The following CCDC7 variants were observed in gnomAD, a reference collection of about 807,000 sequenced individuals.
CCDC7 encodes the protein coiled-coil domain-containing protein 7.
In CCDC7, 183 loss-of-function variants were observed where a neutral mutation model predicts 196.9. That is an observed-to-expected ratio of 0.93 (90% CI 0.82 to 1.05). The LOEUF (loss-of-function observed/expected upper bound fraction) is 1.05. Ranked by LOEUF, CCDC7 falls within the 50% of genes least tolerant of loss-of-function variation. The probability of loss-of-function intolerance (pLI) is 0.00; values close to 1 mark genes in which losing one functional copy is unlikely to be tolerated. For missense variants in CCDC7, 1,540 were observed against 1,482.2 expected, an observed-to-expected ratio of 1.04 and a Z score of -0.64; for synonymous variants, 525 against 484.6, an observed-to-expected ratio of 1.08 and a Z score of -1.10.
chr10:32,667,132 A>G, intron 21 of CCDC7, among the ~76,000 whole-genome samples: 1 of 152,050 alleles, frequency 6.6e-6, no homozygotes, highest in African/African-American at 2.4e-5. Context: ...GCCAGTGATG[A>G]TGAGCATTTT....
At chr10:32,540,057 C>G (rs557330431) in intron 11 of CCDC7, among the ~76,000 whole-genome samples, 1 of 151,968 alleles carries the variant, frequency 6.6e-6, no homozygotes, top group South Asian at 2.1e-4. Flanking sequence ...TGCTGAATAT[C>G]TTTGTTTATT....
At chr10:32,469,535 G>T (rs2037514698) in intron 5 of CCDC7, among the ~76,000 whole-genome samples, 2 of 152,188 alleles carry the variant, frequency 1.3e-5, no homozygotes, top group Admixed American at 1.3e-4. Context: ...TGCCCTCTGT[G>T]ATGCTAGGAA....
chr10:32,621,927 G>A (rs1305485866), intron 18 of CCDC7, among the ~76,000 whole-genome samples: 1 of 152,264 alleles, frequency 6.6e-6, no homozygotes, highest in Admixed American at 6.5e-5. Context: ...GAGAAATAAT[G>A]TTTTACTAGC....
At chr10:32,578,728 T>C (rs1006308648) in intron 16 of CCDC7, among the ~76,000 whole-genome samples, 9 of 152,098 alleles carry the variant, frequency 5.9e-5, no homozygotes, top group African/African-American at 2.2e-4. Flanking sequence ...CCTCCTGTTG[T>C]GTTGCCCAGT....
chr10:32,881,193 A>G (rs918656027), downstream of CCDC7, among the ~76,000 whole-genome samples: 19 of 152,122 alleles, frequency 1.2e-4, no homozygotes, highest in African/African-American at 3.6e-4. Context: ...GACAAAAGGT[A>G]TGTTCACTGG....
At chr10:32,539,806 G>A (rs77150670) in intron 11 of CCDC7, among the ~76,000 whole-genome samples, 6,466 of 151,944 alleles carry the variant, frequency 0.043, 463 homozygotes, top group African/African-American at 0.15. Context: ...TTTAATTTCC[G>A]CATAATTGTA....
At chr10:32,456,110 C>T (rs1449112315) in intron 2 of CCDC7, 141 bp from the exon 4 acceptor site, 2 of 746,130 alleles carry the variant, frequency 2.7e-6, no homozygotes, top group Non-Finnish European at 3.9e-6. Context: ...GCATTTGAAG[C>T]ATGGCTTCTT....
At chr10:32,717,895 CAA>C (rs56282080) in intron 25 of CCDC7, among the ~76,000 whole-genome samples, 48,078 of 130,470 alleles carry the variant, frequency 0.37, 9,808 homozygotes, top group Non-Finnish European at 0.5. Context: ...AATAGCCTAC[CAA>C]AAAAAAAAAA....
At chr10:32,521,778 A>C (rs2047918974) in intron 11 of CCDC7, among the ~76,000 whole-genome samples, 2 of 152,278 alleles carry the variant, frequency 1.3e-5, no homozygotes, top group Non-Finnish European at 2.9e-5. Context: ...ACCATGTTCC[A>C]GATCTTAGAG....
rs533003982 is a variant in CCDC7, at chr10:32,597,453, G to A, written c.1801+13149G>A. Among the ~76,000 whole-genome samples the A allele has an allele frequency of 1.6e-4, 25 of 152,190 alleles. 1 individual carries two copies. The highest frequency in any genetic ancestry group is 3.4e-3 in the Middle Eastern group (1 of 294). On this transcript the variant is annotated intron_variant, in intron 18 of 41. Coordinates refer to ENST00000639629, the Ensembl canonical transcript of CCDC7. Reference sequence around the variant, plus strand: ...TTTTTCAAGGTTTTTAGCTTCTTGCGATGGGTTCGAACATCCTCCTTTAGC... The same window carrying A: ...TTTTTCAAGGTTTTTAGCTTCTTGCAATGGGTTCGAACATCCTCCTTTAGC...
At chr10:32,654,340 T>C (rs1304357528) in intron 20 of CCDC7, among the ~76,000 whole-genome samples, 1 of 152,178 alleles carries the variant, frequency 6.6e-6, no homozygotes, top group East Asian at 1.9e-4. Flanking sequence ...TATTAACTGA[T>C]CTATTTTTGT....
At chr10:32,738,052 C>A (rs762739112) in intron 28 of CCDC7, among the ~76,000 whole-genome samples, 21 of 152,002 alleles carry the variant, frequency 1.4e-4, no homozygotes, top group Non-Finnish European at 2.9e-5. Flanking sequence ...CAATATCAAC[C>A]GTATTTGTAG....
intron 23 of CCDC7, among the ~76,000 whole-genome samples, chr10:32,693,284 T>C (rs767925509): frequency 1.2e-4 from 19 of 152,046 alleles, no homozygotes; most frequent in Non-Finnish European, 2.6e-4. Flanking sequence ...CTTAGAGGAG[T>C]ATATTTTCTT....
chr10:32,547,177 C>T (rs2052618066), intron 13 of CCDC7, among the ~76,000 whole-genome samples: 1 of 152,040 alleles, frequency 6.6e-6, no homozygotes, highest in Non-Finnish European at 1.5e-5. Context: ...ACCATCACAC[C>T]CTGCTAAGTT....
chr10:32,609,723 A>G (rs1268781047), intron 18 of CCDC7, among the ~76,000 whole-genome samples: 1 of 152,166 alleles, frequency 6.6e-6, no homozygotes, highest in Non-Finnish European at 1.5e-5. Flanking sequence ...ATGGTTTAGC[A>G]CCATCCTCTT....
chr10:32,505,497 G>A (rs1439040108), intron 9 of CCDC7, among the ~76,000 whole-genome samples: 1 of 152,066 alleles, frequency 6.6e-6, no homozygotes, highest in African/African-American at 2.4e-5. Flanking sequence ...GGGGTTGGGG[G>A]TAAGGTTATA....
exon 15 of CCDC7, chr10:32,567,852 T>G: frequency 6.2e-7 from 1 of 1,613,428 alleles, no homozygotes; most frequent in Non-Finnish European, 8.5e-7. Flanking sequence ...CAGATTCAGG[T>G]GGACAAAGGA....
Position 32,778,967 on chromosome 10 carries a change from A to G in CCDC7, c.2906-10A>G, listed in dbSNP as rs1364745627. Reference sequence around the variant, plus strand: ...AAATCAACTACTTTGACAATCTGTTATTCTTACAGTTAAAAATGAAGCAGC... The same window carrying G: ...AAATCAACTACTTTGACAATCTGTTGTTCTTACAGTTAAAAATGAAGCAGC... On this transcript the variant is annotated splice_polypyrimidine_tract_variant and intron_variant, in intron 28 of 41. Coordinates refer to ENST00000639629, the Ensembl canonical transcript of CCDC7. 19 of 1,539,522 alleles carry G rather than the reference A, an allele frequency of 1.2e-5. No individual in the cohort carries two copies. Among genetic ancestry groups the G allele is most frequent in the Middle Eastern group, 1.7e-4 (1 of 5,962 alleles).
At chr10:32,804,020 A>G (rs1223427271) in intron 29 of CCDC7, among the ~76,000 whole-genome samples, 1 of 152,148 alleles carries the variant, frequency 6.6e-6, no homozygotes, top group East Asian at 1.9e-4. Context: ...AATAACTTTC[A>G]GATATTTTAA....
Sources: gnomAD v4.1 joint callset for allele counts (sites outside exome capture counted in the v4.1 genomes callset) on GRCh38, gnomAD v4.1.1 for gene constraint, MANE v1.5 for transcripts, NCBI Gene and HGNC (gene_info 2026-07-23, HGNC 2026-07-21) for gene names.